Variants in CAMTA1 observed in about 807,000 individuals in gnomAD.
CAMTA1 encodes calmodulin-binding transcription activator 1.
CAMTA1 carries 27 observed loss-of-function variants against 170.9 expected under a neutral mutation model. The ratio of observed to expected loss-of-function variants is 0.16; its 90% CI spans 0.12 to 0.22. CAMTA1 has a LOEUF of 0.22. Ranked by LOEUF, CAMTA1 falls within the 10% of genes least tolerant of loss-of-function variation. The probability of loss-of-function intolerance (pLI) is 1.00; values close to 1 mark genes in which losing one functional copy is unlikely to be tolerated. For synonymous variants in CAMTA1, 833 were observed against 891.5 expected, an observed-to-expected ratio of 0.93 and a Z score of 1.17; for missense variants, 1,619 against 2,217.2, an observed-to-expected ratio of 0.73 and a Z score of 5.42.
chr1:7,557,776 A>G (rs1380161345), intron 6 of CAMTA1, among the ~76,000 whole-genome samples: 2 of 151,856 alleles, frequency 1.3e-5, no homozygotes, highest in African/African-American at 2.4e-5. Context: ...CAAGACCTGC[A>G]GCCATAGATC....
In CAMTA1 at chr1:7,674,347, G is replaced by A. The variant is rs1224829835; in HGVS notation, c.2780-3252G>A. The stretch of plus-strand genomic sequence containing the variant: ...GGCAGTGAGCTGAGGGCAGTGAGCA[G>A]CAGTGAGTGAGAGGAGGTGCTGGGG... On this transcript the variant is annotated intron_variant, in intron 10 of 22. Coordinates refer to ENST00000303635, the MANE Select transcript of CAMTA1 (RefSeq NM_015215.4). This position sits in a 1 kb window ranked among gnomAD's most constrained non-coding sequence, Gnocchi z 4.1. Among the ~76,000 whole-genome samples, 7 of 152,250 alleles carry A rather than the reference G, an allele frequency of 4.6e-5. No individual in the cohort carries two copies. The East Asian group carries it at 5.8e-4, about 13-fold the overall frequency.
At chr1:6,820,068 G>A (rs1646310520) in intron 1 of CAMTA1, 113 bp from the exon 2 acceptor site, 1 of 696,826 alleles carries the variant, frequency 1.4e-6, no homozygotes, top group African/African-American at 1.8e-5. Context: ...GGATTTGTCT[G>A]ATGTTTCCTC....
chr1:7,725,186 C>T (rs868849738), intron 11 of CAMTA1, among the ~76,000 whole-genome samples: 1 of 152,094 alleles, frequency 6.6e-6, no homozygotes, highest in Non-Finnish European at 1.5e-5. Context: ...TGGAAGGTAG[C>T]GGGAAGGAAC....
chr1:7,057,900 G>A (rs190835695), intron 3 of CAMTA1, among the ~76,000 whole-genome samples: 18 of 152,322 alleles, frequency 1.2e-4, no homozygotes, highest in Admixed American at 7.8e-4. Flanking sequence ...ATCTGAGGAT[G>A]CCCCCTTCTC....
At chr1:7,053,732 C>T (rs1235278269) in intron 3 of CAMTA1, among the ~76,000 whole-genome samples, 1 of 152,218 alleles carries the variant, frequency 6.6e-6, no homozygotes, top group Non-Finnish European at 1.5e-5. Context: ...CAGGTATCTG[C>T]CTGGCTCCCT....
intron 5 of CAMTA1, among the ~76,000 whole-genome samples, chr1:7,252,231 G>A (rs1374898657): frequency 6.6e-6 from 1 of 152,192 alleles, no homozygotes; most frequent in Non-Finnish European, 1.5e-5. Context: ...CAGAACTGGC[G>A]ATTACAGTTT....
rs528999313 is a variant in CAMTA1 at position 7,211,587 on chromosome 1, A to G, written c.303-37904A>G. Among the ~76,000 whole-genome samples, 3 of 152,256 alleles carry G rather than the reference A, an allele frequency of 2.0e-5. No homozygotes were observed. The South Asian group carries it at 6.2e-4, about 32-fold the overall frequency. Reference sequence around the variant, plus strand: ...GTTGTTGTTATCAGTGGTTCTTTGCACCCGTCATTCTTTGAGCGCTTCCTT... The same window carrying G: ...GTTGTTGTTATCAGTGGTTCTTTGCGCCCGTCATTCTTTGAGCGCTTCCTT... On this transcript the variant is annotated intron_variant, in intron 4 of 22. Transcript: ENST00000303635.
chr1:7,373,767 T>C (rs1337325885), intron 5 of CAMTA1, among the ~76,000 whole-genome samples: 1 of 152,394 alleles, frequency 6.6e-6, no homozygotes, highest in South Asian at 2.1e-4. Context: ...AAATACCCCA[T>C]CAATAGTGCA....
intron 3 of CAMTA1, among the ~76,000 whole-genome samples, chr1:6,930,416 T>C (rs1684189119): frequency 6.6e-6 from 1 of 152,204 alleles, no homozygotes; most frequent in Non-Finnish European, 1.5e-5. Context: ...ACTCTGTCTT[T>C]CTGTAACTGA....
At chr1:7,242,640 C>G (rs376351424) in intron 4 of CAMTA1, among the ~76,000 whole-genome samples, 3 of 152,162 alleles carry the variant, frequency 2.0e-5, no homozygotes, top group African/African-American at 7.2e-5. Flanking sequence ...AAAAACTTGA[C>G]CCCTTCAGCC....
intron 3 of CAMTA1, among the ~76,000 whole-genome samples, chr1:7,072,075 C>G (rs911975689): frequency 2.0e-5 from 3 of 152,212 alleles, no homozygotes; most frequent in Non-Finnish European, 4.4e-5. Flanking sequence ...GTACCCCGCT[C>G]TACATGGAAA....
chr1:7,755,494 G>T, intron 21 of CAMTA1, 144 bp from the exon 22 acceptor site: 2 of 663,280 alleles, frequency 3.0e-6, no homozygotes, highest in South Asian at 2.0e-5. Context: ...CTCATTTCAC[G>T]TACCCCACCA....
At chr1:7,557,355 C>T (rs1264623428) in intron 6 of CAMTA1, among the ~76,000 whole-genome samples, 1 of 151,682 alleles carries the variant, frequency 6.6e-6, no homozygotes, top group African/African-American at 2.4e-5. Flanking sequence ...CATCTAACAG[C>T]AGGAGTGTCC....
chr1:7,404,218 G>A (rs17030788), intron 5 of CAMTA1, among the ~76,000 whole-genome samples: 16,957 of 152,204 alleles, frequency 0.11, 2,593 homozygotes, highest in African/African-American at 0.35. Context: ...CAACGAGCTC[G>A]CCACGCTCTG....
chr1:7,705,128 C>T (rs1217263206), intron 11 of CAMTA1, among the ~76,000 whole-genome samples: 1 of 150,700 alleles, frequency 6.6e-6, no homozygotes, highest in African/African-American at 2.4e-5. Context: ...CACGAGGGTG[C>T]GCGCGTTTCT....
chr1:6,786,299 C>T (rs1371246355), intron 1 of CAMTA1, among the ~76,000 whole-genome samples: 1 of 152,106 alleles, frequency 6.6e-6, no homozygotes, highest in Non-Finnish European at 1.5e-5. Flanking sequence ...CCCCGCCCCT[C>T]GCAGTCGTTC....
At position 7,673,619 on chromosome 1, in the gene CAMTA1, G is replaced by A. The variant is rs1450498350; in HGVS notation, c.2779+2582G>A. ...CATTATATGAGCCATAATGTGTCTC[G>A]GACCAAGGGACCAGGAGCCACAAGG... On this transcript the variant is annotated intron_variant, in intron 10 of 22. Coordinates refer to ENST00000303635, the MANE Select transcript of CAMTA1 (RefSeq NM_015215.4). The surrounding 1 kb of genome is among the most constrained non-coding windows in gnomAD (Gnocchi z 4.6). Among the ~76,000 whole-genome samples the A allele has an allele frequency of 2.6e-5, 4 of 152,122 alleles. No homozygotes were observed. Among genetic ancestry groups the A allele is most frequent in the African/African-American group, 4.8e-5 (2 of 41,400 alleles).
intron 5 of CAMTA1, among the ~76,000 whole-genome samples, chr1:7,405,560 CAG>C (rs768989979): frequency 2.0e-5 from 3 of 151,680 alleles, no homozygotes; most frequent in African/African-American, 2.4e-5. Flanking sequence ...TTTTTAGAGA[CAG>C]GGGATCACCA....
At chr1:7,072,670 T>A (rs779729222) in intron 3 of CAMTA1, among the ~76,000 whole-genome samples, 4 of 152,192 alleles carry the variant, frequency 2.6e-5, no homozygotes, top group Non-Finnish European at 5.9e-5. Flanking sequence ...GATGTTGCTA[T>A]TTCACAGGGT....
Sources: allele counts gnomAD v4.1 joint callset (sites outside exome capture counted in the v4.1 genomes callset), GRCh38; gene constraint gnomAD v4.1.1; non-coding constraint Gnocchi (gnomAD v3.1); transcripts MANE v1.5; gene names NCBI Gene and HGNC (gene_info 2026-07-23, HGNC 2026-07-21).